Variants in RFTN1 observed in about 807,000 individuals in gnomAD.
RFTN1 encodes raftlin, lipid raft linker 1.
A neutral mutation model predicts 46.5 loss-of-function variants in RFTN1; 26 were observed. That is an observed-to-expected ratio of 0.56 (90% confidence interval 0.41 to 0.78). The LOEUF (loss-of-function observed/expected upper bound fraction) is 0.78. RFTN1 is among the 30% of genes least tolerant of loss of function. The probability of loss-of-function intolerance (pLI) is 0.00; values close to 1 mark genes in which losing one functional copy is unlikely to be tolerated. For missense variants in RFTN1, 693 were observed against 718.7 expected, an observed-to-expected ratio of 0.96 and a Z score of 0.41; for synonymous variants, 261 against 284.2, an observed-to-expected ratio of 0.92 and a Z score of 0.82.
In RFTN1 at chr3:16,391,438, C is replaced by T. The variant is rs939598258; in HGVS notation, c.442-13336G>A. Among the ~76,000 whole-genome samples, 7 of 152,170 alleles carry T rather than the reference C, an allele frequency of 4.6e-5. 1 individual carries two copies. On this transcript the variant is annotated intron_variant, in intron 4 of 9. Transcript: ENST00000334133. ...ACACATAAGAAGTCAAAAGTGATCC[C>T]ACAAATGAATCATTTAAAGTTTAGA...
chr3:16,433,793 C>T lies in RFTN1; in HGVS notation c.332+58G>A. On this transcript the variant is annotated intron_variant, in intron 3 of 9. Coordinates refer to ENST00000334133, the MANE Select transcript of RFTN1 (RefSeq NM_015150.2). The surrounding 1 kb of genome is among the most constrained non-coding windows in gnomAD (Gnocchi z 4.4). ...ACCCCATCCTCTCACTTCCCCTCCT[C>T]TATTGAGCATAACTTAGCCGCAACA... The T allele has an allele frequency of 1.3e-6, 2 of 1,564,828 alleles. No individual in the cohort carries two copies. The highest frequency in any genetic ancestry group is 1.7e-5 in the Admixed American group (1 of 59,970).
At position 16,509,691 on chromosome 3, in the gene RFTN1, C is replaced by T. The variant is rs1020046671; in HGVS notation, c.-9+3751G>A. 3.3e-5 allele frequency among the ~76,000 whole-genome samples: 5 copies of T among 152,168 alleles called. No homozygotes were observed. Among genetic ancestry groups the T allele is most frequent in the African/African-American group, 9.7e-5 (4 of 41,438 alleles). ...TTTCCAAGCCATGGTAAAGTGCCCT[C>T]GAGTAAAATACATCCTGGGGCCCTG... is the stretch of plus-strand genomic sequence containing the variant. On this transcript the variant is annotated intron_variant, in intron 1 of 9. Transcript: ENST00000334133. The surrounding 1 kb of genome is among the most constrained non-coding windows in gnomAD (Gnocchi z 4.9).
chr3:16,328,276 A>G (rs2069934517), intron 7 of RFTN1, among the ~76,000 whole-genome samples: 1 of 152,232 alleles, frequency 6.6e-6, no homozygotes, highest in Non-Finnish European at 1.5e-5. Flanking sequence ...TAGAGTGCCA[A>G]GGTCTGTGGT....
chr3:16,448,182 T>C lies in RFTN1; in HGVS notation c.146-14145A>G, dbSNP rs1358737731. ...ATTGATTCCATATTGAAATGATAAA[T>C]TGTCTAAGATATTGGATTAAATAAA... On this transcript the variant is annotated intron_variant, in intron 2 of 9. Transcript: ENST00000334133. This position sits in a 1 kb window ranked among gnomAD's most constrained non-coding sequence, Gnocchi z 4.1. 6.6e-6 allele frequency among the ~76,000 whole-genome samples: 1 copy of C among 152,096 alleles called. No individual in the cohort carries two copies. Among genetic ancestry groups the C allele is most frequent in the Non-Finnish European group, 1.5e-5 (1 of 68,012 alleles).
intron 4 of RFTN1, among the ~76,000 whole-genome samples, chr3:16,409,115 G>A (rs2074927777): frequency 2.6e-5 from 4 of 152,230 alleles, no homozygotes; most frequent in Admixed American, 6.5e-5. Flanking sequence ...CAGGCCTGCA[G>A]GTCTGTCAGC....
rs772253610 is a variant in RFTN1 at position 16,351,025 on chromosome 3, G to T, written c.1146+6907C>A. Among the ~76,000 whole-genome samples, 4 of 152,214 alleles carry T rather than the reference G, an allele frequency of 2.6e-5. No individual in the cohort carries two copies. Among genetic ancestry groups the T allele is most frequent in the Admixed American group, 6.5e-5 (1 of 15,276 alleles). Reference sequence around the variant, plus strand: ...AAAGCTTGAGCCCCAGAAACCTGCAGAACTTCATGAAGAACAAGTGAGACC... The same window carrying T: ...AAAGCTTGAGCCCCAGAAACCTGCATAACTTCATGAAGAACAAGTGAGACC... On this transcript the variant is annotated intron_variant, in intron 7 of 9. Transcript: ENST00000334133. This position sits in a 1 kb window ranked among gnomAD's most constrained non-coding sequence, Gnocchi z 5.4.
rs1232066502 is a variant in RFTN1 at position 16,356,701 on chromosome 3, C to T, written c.1146+1231G>A. ...GGCTGTCTAGAGGGTCCCAGTGCCC[C>T]ACACTCCTCACAAAGGGTTGTATCC... On this transcript the variant is annotated intron_variant, in intron 7 of 9. Transcript: ENST00000334133. This position sits in a 1 kb window ranked among gnomAD's most constrained non-coding sequence, Gnocchi z 4.9. 6.6e-6 allele frequency among the ~76,000 whole-genome samples: 1 copy of T among 152,206 alleles called. No homozygotes were observed. Among genetic ancestry groups the T allele is most frequent in the Non-Finnish European group, 1.5e-5 (1 of 68,048 alleles).
At chr3:16,492,643 AC>A in intron 2 of RFTN1, among the ~76,000 whole-genome samples, 1 of 152,362 alleles carries the variant, frequency 6.6e-6, no homozygotes, top group African/African-American at 2.4e-5. Flanking sequence ...TGACTTCATT[AC>A]ATAGTGCCCA....
intron 8 of RFTN1, among the ~76,000 whole-genome samples, chr3:16,324,684 G>GTGTGTA: frequency 1.8e-5 from 2 of 112,038 alleles, no homozygotes; most frequent in South Asian, 6.0e-4. Context: ...GTGTGTGTGT[G>GTGTGTA]TATTTTATAT....
chr3:16,406,918 T>C (rs1559330640), intron 4 of RFTN1, among the ~76,000 whole-genome samples: 2 of 152,098 alleles, frequency 1.3e-5, no homozygotes, highest in African/African-American at 2.4e-5. Context: ...CATACACACA[T>C]CTATAATCAG....
rs2075743392 is a variant in RFTN1 at position 16,446,997 on chromosome 3, A to C, written c.146-12960T>G. Among the ~76,000 whole-genome samples, 1 of 152,238 alleles carries C rather than the reference A, an allele frequency of 6.6e-6. No individual in the cohort carries two copies. Among genetic ancestry groups the C allele is most frequent in the African/African-American group, 2.4e-5 (1 of 41,460 alleles). On this transcript the variant is annotated intron_variant, in intron 2 of 9. Coordinates refer to ENST00000334133, the MANE Select transcript of RFTN1 (RefSeq NM_015150.2). This position sits in a 1 kb window ranked among gnomAD's most constrained non-coding sequence, Gnocchi z 4.5. ...AGACTAGTTTCAAGAGGCTTATGAC[A>C]GAATAAATTCCACACTCTGGGGGCT...
rs2075285236 is a variant in RFTN1, at chr3:16,426,132, C to A, written c.332+7719G>T. Among the ~76,000 whole-genome samples the A allele has an allele frequency of 6.6e-6, 1 of 152,212 alleles. No individual in the cohort carries two copies. Among genetic ancestry groups the A allele is most frequent in the Admixed American group, 6.5e-5 (1 of 15,288 alleles). On this transcript the variant is annotated intron_variant, in intron 3 of 9. Coordinates refer to ENST00000334133, the MANE Select transcript of RFTN1 (RefSeq NM_015150.2). The surrounding 1 kb of genome is among the most constrained non-coding windows in gnomAD (Gnocchi z 5.9). ...TGCAGTTTCCCATCACAGTAGCACG[C>A]ATCAATCAGTGCTAAACCCACCGTT...
chr3:16,357,920 C>A lies in RFTN1; in HGVS notation c.1146+12G>T, dbSNP rs369471236. The A allele has an allele frequency of 6.5e-7, 1 of 1,549,968 alleles. No homozygotes were observed. Among genetic ancestry groups the A allele is most frequent in the East Asian group, 2.2e-5 (1 of 44,596 alleles). ...TAAACAAAAGAAGCGGGGCTGCCAACCCCACACTTACTTCCAGGACTGTCC... is the reference window on the plus strand; with the variant it reads ...TAAACAAAAGAAGCGGGGCTGCCAAACCCACACTTACTTCCAGGACTGTCC... On this transcript the variant is annotated intron_variant, in intron 7 of 9. Transcript: ENST00000334133.
chr3:16,479,009 C>CCA lies in RFTN1; in HGVS notation c.145+14715_145+14716insTG, dbSNP rs2076325494. 1.3e-5 allele frequency among the ~76,000 whole-genome samples: 2 copies of CCA among 152,158 alleles called. No individual in the cohort carries two copies. The highest frequency in any genetic ancestry group is 2.4e-5 in the African/African-American group (1 of 41,424). On this transcript the variant is annotated intron_variant, in intron 2 of 9. Coordinates refer to ENST00000334133, the MANE Select transcript of RFTN1 (RefSeq NM_015150.2). This position sits in a 1 kb window ranked among gnomAD's most constrained non-coding sequence, Gnocchi z 5.1. ...AAGCAATTCACTAGGTACACAAGGC[C>CCA]GTGGATACCAGTAGGCAGGGGTCAC...
intron 2 of RFTN1, among the ~76,000 whole-genome samples, 166 bp from the exon 3 acceptor site, chr3:16,434,203 G>A (rs909284787): frequency 1.3e-5 from 2 of 152,084 alleles, no homozygotes; most frequent in South Asian, 2.1e-4. Context: ...GCAGCCTGTC[G>A]TTTTCCAAAT....
Position 16,370,784 on chromosome 3 carries a change from T to A in RFTN1, c.827-505A>T, listed in dbSNP as rs2073465370. On this transcript the variant is annotated intron_variant, in intron 5 of 9. Transcript: ENST00000334133. This position sits in a 1 kb window ranked among gnomAD's most constrained non-coding sequence, Gnocchi z 5.5. ...GTAGTGTTTCCTGGGGCTGAACCCA[T>A]AATACTTAATCAAGTACATCAAAAA... 1 of 154,144 alleles carries A rather than the reference T, an allele frequency of 6.5e-6. No homozygotes were observed. The allele number at this position is 154,144 out of a possible 1,614,324, so 9.5% of individuals were successfully genotyped here.
In RFTN1 at chr3:16,434,393, C is replaced by CAAAA. The variant is rs763361472; in HGVS notation, c.146-360_146-357dup. On this transcript the variant is annotated intron_variant, in intron 2 of 9. Coordinates refer to ENST00000334133, the MANE Select transcript of RFTN1 (RefSeq NM_015150.2). ...ACAAACAAACAAACAAACAAACAAA[C>CAAAA]AAAAACAAAAAAACCCCCTCAAAAT... is the stretch of plus-strand genomic sequence containing the variant. Among the ~76,000 whole-genome samples, 58 of 113,424 alleles carry CAAAA rather than the reference C, an allele frequency of 5.1e-4. 1 individual carries two copies. Among genetic ancestry groups the CAAAA allele is most frequent in the Non-Finnish European group, 7.5e-4 (38 of 50,870 alleles). 74.4% of individuals were successfully genotyped at this position (113,424 alleles called of 152,430 possible).
At chr3:16,476,826 G>A (rs1468526072) in intron 2 of RFTN1, among the ~76,000 whole-genome samples, 2 of 152,160 alleles carry the variant, frequency 1.3e-5, no homozygotes, top group African/African-American at 4.8e-5. Flanking sequence ...TCCTCACTCT[G>A]GCATGTGGTT....
chr3:16,393,918 C>CT (rs1437220084), intron 4 of RFTN1, among the ~76,000 whole-genome samples: 7 of 152,118 alleles, frequency 4.6e-5, no homozygotes, highest in Non-Finnish European at 1.0e-4. Flanking sequence ...CTCGGCCTCC[C>CT]AAAATGCTGG....
Sources: gnomAD v4.1 joint callset for allele counts (sites outside exome capture counted in the v4.1 genomes callset) on GRCh38, gnomAD v4.1.1 for gene constraint, Gnocchi (gnomAD v3.1) non-coding constraint, MANE v1.5 for transcripts, NCBI Gene and HGNC (gene_info 2026-07-23, HGNC 2026-07-21) for gene names.